Variants in ECRG4 observed in about 807,000 individuals in gnomAD.
The protein encoded by ECRG4 is augurin.
In ECRG4, 18 loss-of-function variants were observed where a neutral mutation model predicts 15.8. That is an observed-to-expected ratio of 1.14 (90% confidence interval 0.79 to 1.69). The LOEUF (loss-of-function observed/expected upper bound fraction) is 1.69, where lower values mean the gene tolerates loss of function less well. ECRG4 is among the 40% of genes most tolerant of loss of function. The probability of loss-of-function intolerance (pLI) is 0.00; values close to 1 mark genes in which losing one functional copy is unlikely to be tolerated. For missense variants in ECRG4, 200 were observed against 190.9 expected (o/e 1.05, Z -0.28); for synonymous variants, 82 against 73.9 (o/e 1.11, Z -0.56).
chr2:106,076,426 GC>G (rs1290843569), intron 3 of ECRG4, among the ~76,000 whole-genome samples: 1 of 152,210 alleles, frequency 6.6e-6, no homozygotes, highest in East Asian at 1.9e-4. Context: ...TAGAGATGGA[GC>G]CAAAGAAGTC....
chr2:106,068,352 G>A (rs1325660658), intron 1 of ECRG4, among the ~76,000 whole-genome samples: 1 of 152,064 alleles, frequency 6.6e-6, no homozygotes, highest in Admixed American at 6.6e-5. Context: ...CCTTAATACA[G>A]AAAAAAATCA....
At chr2:106,074,080 A>G (rs947883716) in intron 3 of ECRG4, 37 bp downstream of exon 3, 14 of 1,604,960 alleles carry the variant, frequency 8.7e-6, no homozygotes, top group Non-Finnish European at 7.7e-6. Context: ...TGGCTTCCAC[A>G]GGGAAGGGTG....
At chr2:106,066,778 C>G (rs1199562241) in intron 1 of ECRG4, among the ~76,000 whole-genome samples, 1 of 152,022 alleles carries the variant, frequency 6.6e-6, no homozygotes, top group Non-Finnish European at 1.5e-5. Context: ...TTTGCTCATT[C>G]GAAACAGGTA....
chr2:106,067,531 G>A (rs1162253077), intron 1 of ECRG4, among the ~76,000 whole-genome samples: 8 of 151,498 alleles, frequency 5.3e-5, no homozygotes, highest in South Asian at 2.1e-4. Context: ...GTGTAATGGC[G>A]TGACCTTGGC....
intron 1 of ECRG4, among the ~76,000 whole-genome samples, chr2:106,070,217 AC>A (rs1676332747): frequency 6.6e-6 from 1 of 152,244 alleles, no homozygotes; most frequent in South Asian, 2.1e-4. Context: ...AGAGGTATAT[AC>A]CAGGGCTGTT....
At chr2:106,071,588 C>T (rs1402814908) in intron 1 of ECRG4, among the ~76,000 whole-genome samples, 2 of 152,294 alleles carry the variant, frequency 1.3e-5, no homozygotes, top group Non-Finnish European at 2.9e-5. Flanking sequence ...GCTAAAAGAA[C>T]AGCATCACTC....
At chr2:106,069,293 C>T (rs565521422) in intron 1 of ECRG4, among the ~76,000 whole-genome samples, 102 of 126,356 alleles carry the variant, frequency 8.1e-4, no homozygotes, top group Non-Finnish European at 1.6e-3. Context: ...CTCTTTCTTT[C>T]TTTCCTTCCT....
At chr2:106,074,140 T>C (rs1319769910) in intron 3 of ECRG4, 97 bp downstream of exon 3, 2 of 1,424,066 alleles carry the variant, frequency 1.4e-6, no homozygotes, top group Non-Finnish European at 1.9e-6. Flanking sequence ...AATTCAGCTT[T>C]GCTGTTCATT....
intron 1 of ECRG4, among the ~76,000 whole-genome samples, chr2:106,070,574 G>A (rs975552094): frequency 2.6e-5 from 4 of 152,138 alleles, no homozygotes; most frequent in South Asian, 2.1e-4. Flanking sequence ...TATATTCTTC[G>A]CCCCAACTCC....
At position 106,077,871 on chromosome 2, in the gene ECRG4, C is replaced by T; in HGVS notation, c.392C>T (p.Pro131Leu). 1 of 1,614,090 alleles carries T rather than the reference C, an allele frequency of 6.2e-7. No homozygotes were observed. Among genetic ancestry groups the T allele is most frequent in the Non-Finnish European group, 8.5e-7 (1 of 1,180,006 alleles). ...RHYDEDSAIG[P>L]RSPYGFRHGA... ...TATGATGAAGACTCTGCAATTGGTC[C>T]CCGGAGCCCCTACGGCTTTAGGCAT... The change falls in exon 4 of 4, where the codon CCC becomes CTC. Residue 131 changes from proline (P) to leucine (L), a missense_variant. Coordinates refer to ENST00000238044, the MANE Select transcript of ECRG4 (RefSeq NM_032411.3).
upstream of ECRG4, among the ~76,000 whole-genome samples, chr2:106,065,140 GC>G (rs1323355704): frequency 6.6e-6 from 1 of 152,098 alleles, no homozygotes; most frequent in Non-Finnish European, 1.5e-5. Context: ...CTCAAAAACA[GC>G]CCCGCCTAAG....
At chr2:106,068,418 G>T (rs1374153994) in intron 1 of ECRG4, among the ~76,000 whole-genome samples, 1 of 152,180 alleles carries the variant, frequency 6.6e-6, no homozygotes, top group Non-Finnish European at 1.5e-5. Flanking sequence ...GTAGTGTCCA[G>T]TTATATGTAC....
intron 1 of ECRG4, among the ~76,000 whole-genome samples, chr2:106,067,133 C>T (rs920827292): frequency 7.0e-6 from 1 of 142,736 alleles, no homozygotes. Context: ...GAAACCCCGT[C>T]TCTACTAAAA....
At chr2:106,067,117 C>CATG (rs1298928476) in intron 1 of ECRG4, among the ~76,000 whole-genome samples, 1 of 128,560 alleles carries the variant, frequency 7.8e-6, no homozygotes, top group Admixed American at 9.3e-5. Flanking sequence ...GCCTGACCAA[C>CATG]ATGGAGAAAC....
At position 106,077,998 on chromosome 2, in the gene ECRG4, A is replaced by G; in HGVS notation, c.*72A>G. On this transcript the variant is annotated 3_prime_UTR_variant, in exon 4 of 4. Coordinates refer to ENST00000238044, the MANE Select transcript of ECRG4 (RefSeq NM_032411.3). ...CATGTATCTCCTAATGCCTTACACT[A>G]CTTGGTTTCTGATTTGCTCTATTTC... 7.1e-7 allele frequency: 1 copy of G among 1,416,566 alleles called. No homozygotes were observed. The highest frequency in any genetic ancestry group is 1.4e-5 in the African/African-American group (1 of 69,870). 87.7% of individuals were successfully genotyped at this position (1,416,566 alleles called of 1,614,324 possible).
In ECRG4 at chr2:106,073,982, G is replaced by T. The variant is rs368622171; in HGVS notation, c.224G>T (p.Arg75Leu). 6 of 1,613,992 alleles carry T rather than the reference G, an allele frequency of 3.7e-6. No homozygotes were observed. The African/African-American group carries it at 6.7e-5, about 18-fold the overall frequency. The change falls in exon 3 of 4, where the codon CGG (arginine) becomes CTG (leucine). Residue 75 changes from arginine to leucine, a missense_variant. Transcript: ENST00000238044. ...LKRQKRQLWD[R>L]TRPEVQQWYQ... ...CGCCAGAAGCGGCAGCTGTGGGACC[G>T]GACTCGGCCCGAGGTGCAGCAGTGG...
At chr2:106,076,684 G>A (rs546621662) in intron 3 of ECRG4, among the ~76,000 whole-genome samples, 47 of 152,266 alleles carry the variant, frequency 3.1e-4, no homozygotes, top group Middle Eastern at 3.4e-3. Flanking sequence ...ATAACAACAG[G>A]TTGCTGAGTC....
intron 1 of ECRG4, among the ~76,000 whole-genome samples, chr2:106,067,779 A>G (rs924789226): frequency 1.3e-5 from 2 of 151,810 alleles, no homozygotes; most frequent in African/African-American, 4.8e-5. Context: ...CACCATGCCC[A>G]GCCTACAGTG....
chr2:106,074,814 A>T (rs902900399), intron 3 of ECRG4, among the ~76,000 whole-genome samples: 1 of 152,222 alleles, frequency 6.6e-6, no homozygotes, highest in African/African-American at 2.4e-5. Context: ...CCAAATGGGC[A>T]GTTGGATGTG....
Sources: gnomAD v4.1 joint callset for allele counts (sites outside exome capture counted in the v4.1 genomes callset) on GRCh38, gnomAD v4.1.1 for gene constraint, MANE v1.5 for transcripts, NCBI Gene and HGNC (gene_info 2026-07-23, HGNC 2026-07-21) for gene names.